Variants in ZCCHC14 observed in about 807,000 individuals in gnomAD.
The protein encoded by ZCCHC14 is zinc finger CCHC domain-containing protein 14.
Under a neutral mutation model 85.0 loss-of-function variants are expected in ZCCHC14, and 16 were observed. The ratio of observed to expected loss-of-function variants is 0.19; its 90% CI spans 0.13 to 0.29. The LOEUF (loss-of-function observed/expected upper bound fraction) is 0.29. Among genes scored for constraint, ZCCHC14 ranks in the 10% least tolerant of loss-of-function variants. The probability of loss-of-function intolerance (pLI) is 1.00; values close to 1 mark genes in which losing one functional copy is unlikely to be tolerated. For missense variants in ZCCHC14, 1,303 were observed against 1,443.5 expected, an observed-to-expected ratio of 0.90 and a Z score of 1.58; for synonymous variants, 775 against 630.7, an observed-to-expected ratio of 1.23 and a Z score of -3.43.
chr16:87,436,939 C>T (rs1044887538), intron 2 of ZCCHC14, among the ~76,000 whole-genome samples: 3 of 152,166 alleles, frequency 2.0e-5, no homozygotes, highest in African/African-American at 4.8e-5. Context: ...CCTATCTGCA[C>T]GCAGACACTC....
At chr16:87,446,660 T>G (rs1015688696) in intron 2 of ZCCHC14, among the ~76,000 whole-genome samples, 1 of 152,078 alleles carries the variant, frequency 6.6e-6, no homozygotes, top group Admixed American at 6.5e-5. Context: ...TGGCTTTGCT[T>G]TCCTTGGTTT....
At chr16:87,424,419 GGCA>G (rs202103350) in intron 3 of ZCCHC14, among the ~76,000 whole-genome samples, 4,814 of 152,278 alleles carry the variant, frequency 0.032, 111 homozygotes, top group Middle Eastern at 0.088. Context: ...TGATCACTAG[GGCA>G]GCAGTGATCA....
At chr16:87,414,034 C>G (rs1405691634) in intron 10 of ZCCHC14, among the ~76,000 whole-genome samples, 1 of 152,242 alleles carries the variant, frequency 6.6e-6, no homozygotes, top group East Asian at 1.9e-4. Context: ...ATGTAAAAAT[C>G]AAATAGGTGT....
At chr16:87,411,126 G>A (rs1908412042) in intron 12 of ZCCHC14, among the ~76,000 whole-genome samples, 1 of 152,266 alleles carries the variant, frequency 6.6e-6, no homozygotes, top group Admixed American at 6.5e-5. Flanking sequence ...GAGGGGCAGA[G>A]GGGACAGCGA....
chr16:87,412,053 T>G lies in ZCCHC14; in HGVS notation c.2668A>C (p.Thr890Pro), dbSNP rs773409582. 8.1e-6 allele frequency: 13 copies of G among 1,609,664 alleles called. No individual in the cohort carries two copies. Among genetic ancestry groups the G allele is most frequent in the Non-Finnish European group, 9.3e-6 (11 of 1,179,932 alleles). Residue 890 changes from threonine (T) to proline (P), a missense_variant, in exon 12 of 13, where the codon ACA (threonine) becomes CCA (proline). Coordinates refer to ENST00000671377, the MANE Select transcript of ZCCHC14 (RefSeq NM_015144.3). ...GGATTCGAGGCAGGAATGTTTCCTG[T>G]GGAGCCGCCACCGCCACTGCTGCTA... is the stretch of plus-strand genomic sequence containing the variant. ...FYSSSGGGGS[T>P]GNIPASNPNH...
At chr16:87,464,203 AAC>A (rs944094550) in intron 1 of ZCCHC14, among the ~76,000 whole-genome samples, 2 of 152,238 alleles carry the variant, frequency 1.3e-5, no homozygotes, top group East Asian at 1.9e-4. Flanking sequence ...AGCAGGGGAA[AAC>A]ACAGCCTTGG....
chr16:87,468,095 T>C (rs1597445130), intron 1 of ZCCHC14, among the ~76,000 whole-genome samples: 1 of 152,220 alleles, frequency 6.6e-6, no homozygotes, highest in East Asian at 1.9e-4. Context: ...GAATGGTACA[T>C]TTAAGATAGA....
intron 2 of ZCCHC14, among the ~76,000 whole-genome samples, chr16:87,457,390 G>A (rs1911026818): frequency 6.6e-6 from 1 of 152,180 alleles, no homozygotes. Context: ...GCTGACCTCA[G>A]GAAAATTTCT....
At chr16:87,421,145 G>A (rs1909074964) in intron 4 of ZCCHC14, among the ~76,000 whole-genome samples, 1 of 152,246 alleles carries the variant, frequency 6.6e-6, no homozygotes, top group Admixed American at 6.5e-5. Context: ...GCCCCAGGCG[G>A]GGCAAGTGGG....
intron 12 of ZCCHC14, among the ~76,000 whole-genome samples, chr16:87,410,602 A>G (rs1366085183): frequency 6.6e-6 from 1 of 152,238 alleles, no homozygotes; most frequent in Non-Finnish European, 1.5e-5. Context: ...CAGGCTCTGC[A>G]CACGTCAGGC....
At chr16:87,413,551 A>G (rs1908600890) in intron 10 of ZCCHC14, among the ~76,000 whole-genome samples, 1 of 149,000 alleles carries the variant, frequency 6.7e-6, no homozygotes, top group Non-Finnish European at 1.5e-5. Flanking sequence ...TCAAATCACC[A>G]CTTAAAATCC....
chr16:87,457,308 C>T (rs755869522), intron 2 of ZCCHC14, among the ~76,000 whole-genome samples: 2 of 152,236 alleles, frequency 1.3e-5, no homozygotes, highest in Non-Finnish European at 2.9e-5. Context: ...TACAGTCCCA[C>T]CTTTCTTTTC....
At chr16:87,465,649 A>G (rs1567536828) in intron 1 of ZCCHC14, among the ~76,000 whole-genome samples, 1 of 152,162 alleles carries the variant, frequency 6.6e-6, no homozygotes, top group Non-Finnish European at 1.5e-5. Flanking sequence ...CCAAACTTTA[A>G]TGTGCAAAAT....
chr16:87,433,216 CA>C lies in ZCCHC14; in HGVS notation c.695-16del. The C allele has an allele frequency of 6.2e-7, 1 of 1,606,414 alleles. No homozygotes were observed. The highest frequency in any genetic ancestry group is 8.5e-7 in the Non-Finnish European group (1 of 1,175,566). On this transcript the variant is annotated splice_polypyrimidine_tract_variant and intron_variant, in intron 2 of 12. Transcript: ENST00000671377. ...TTCAACACTCACTGTAAAAGTAAAACAAAAAACAAAAATGAAATAAGAGCTT... is the reference window on the plus strand; with the variant it reads ...TTCAACACTCACTGTAAAAGTAAAACAAAAACAAAAATGAAATAAGAGCTT...
intron 2 of ZCCHC14, among the ~76,000 whole-genome samples, chr16:87,455,154 G>A (rs1910891815): frequency 6.6e-6 from 1 of 152,176 alleles, no homozygotes; most frequent in South Asian, 2.1e-4. Flanking sequence ...CAGGCGTGGT[G>A]GCACATGCCT....
At chr16:87,488,818 T>C (rs554720312) in intron 1 of ZCCHC14, among the ~76,000 whole-genome samples, 9 of 152,348 alleles carry the variant, frequency 5.9e-5, no homozygotes, top group African/African-American at 2.2e-4. Flanking sequence ...GCTCAAGCGA[T>C]CTGCCCACCT....
At chr16:87,454,849 C>A (rs1371722716) in intron 2 of ZCCHC14, among the ~76,000 whole-genome samples, 2 of 152,234 alleles carry the variant, frequency 1.3e-5, no homozygotes, top group Admixed American at 1.3e-4. Context: ...CAGAGCTGCA[C>A]TGATGATGCC....
chr16:87,411,163 C>A (rs753976389), intron 12 of ZCCHC14, among the ~76,000 whole-genome samples: 1 of 152,246 alleles, frequency 6.6e-6, no homozygotes, highest in African/African-American at 2.4e-5. Flanking sequence ...TCCGGAATGC[C>A]GATGCGCCAC....
chr16:87,435,426 C>T (rs1301911830), intron 2 of ZCCHC14, among the ~76,000 whole-genome samples: 1 of 152,260 alleles, frequency 6.6e-6, no homozygotes, highest in East Asian at 1.9e-4. Flanking sequence ...TGTGGGCCTC[C>T]ACATGCCCCT....
Sources: allele counts gnomAD v4.1 joint callset (sites outside exome capture counted in the v4.1 genomes callset), GRCh38; gene constraint gnomAD v4.1.1; transcripts MANE v1.5; gene names NCBI Gene and HGNC (gene_info 2026-07-23, HGNC 2026-07-21).